Variants in CILP2 observed in about 807,000 individuals in gnomAD.
The protein encoded by CILP2 is cartilage intermediate layer protein 2, also known as CILP-2.
Under a neutral mutation model 45.6 loss-of-function variants are expected in CILP2, and 38 were observed. The ratio of observed to expected loss-of-function variants is 0.83; its 90% CI spans 0.64 to 1.09. CILP2 has a LOEUF of 1.09. Among genes scored for constraint, CILP2 ranks in the 50% least tolerant of loss-of-function variants. The pLI is 0.00. For synonymous variants in CILP2, 780 were observed against 723.5 expected (o/e 1.08, Z -1.25); for missense variants, 1,735 against 1,662.2 (o/e 1.04, Z -0.76).
chr19:19,546,657 C>T lies in CILP2; in HGVS notation c.*641C>T, dbSNP rs981347613. Reference sequence around the variant, plus strand: ...GGCTGAATTAAAAATGCTTTATTTCCAACTCATGGTGTCAGGCTCTAGGGA... The same window carrying T: ...GGCTGAATTAAAAATGCTTTATTTCTAACTCATGGTGTCAGGCTCTAGGGA... On this transcript the variant is annotated 3_prime_UTR_variant, in exon 8 of 8. Transcript: ENST00000291495. 1 of 152,574 alleles carries T rather than the reference C, an allele frequency of 6.6e-6. No individual in the cohort carries two copies. Among genetic ancestry groups the T allele is most frequent in the Non-Finnish European group, 1.5e-5 (1 of 68,050 alleles). The allele number at this position is 152,574 out of a possible 1,614,324, so 9.5% of individuals were successfully genotyped here.
At position 19,544,309 on chromosome 19, in the gene CILP2, T is replaced by G. The variant is rs2061255125; in HGVS notation, c.1764T>G (p.Ser588=). The G allele has an allele frequency of 1.2e-6, 2 of 1,612,716 alleles. No homozygotes were observed. The highest frequency in any genetic ancestry group is 1.7e-6 in the Non-Finnish European group (2 of 1,179,980). The change falls in exon 8 of 8, where the codon TCT becomes TCG. Residue 588 remains serine, a synonymous_variant. Coordinates refer to ENST00000291495, the MANE Select transcript of CILP2 (RefSeq NM_153221.2). The part of the protein sequence containing the change: ...EAPLGELVLP[S]GAFRRADGKP... ...CCCTGGGCGAGCTGGTCCTGCCTTCTGGCGCTTTCCGCAGAGCCGACGGCA... is the reference window on the plus strand; with the variant it reads ...CCCTGGGCGAGCTGGTCCTGCCTTCGGGCGCTTTCCGCAGAGCCGACGGCA...
intron 3 of CILP2, chr19:19,540,731 C>T (rs2061240379): frequency 4.2e-6 from 2 of 477,502 alleles, no homozygotes; most frequent in East Asian, 6.9e-5. Context: ...GGTCAGGACC[C>T]ATGTCCGGCC....
rs773587138 is a variant in CILP2 at position 19,538,364 on chromosome 19, GCCACTGCT to G, written c.17_24del (p.Pro6LeufsTer194). 1 of 1,582,116 alleles carries G rather than the reference GCCACTGCT, an allele frequency of 6.3e-7. No individual in the cohort carries two copies. Among genetic ancestry groups the G allele is most frequent in the South Asian group, 1.1e-5 (1 of 89,650 alleles). On this transcript the variant is annotated frameshift_variant, in exon 1 of 8. Coordinates refer to ENST00000291495, the MANE Select transcript of CILP2 (RefSeq NM_153221.2). LOFTEE classifies it high-confidence loss of function. ...CTGCCCCGGCCATGGCGTCGCTGCT[GCCACTGCT>G]CTGTCTCTGTGTCGTCGCTGCGCAC...
intron 7 of CILP2, 86 bp downstream of exon 7, chr19:19,543,491 C>A: frequency 6.6e-7 from 1 of 1,510,714 alleles, no homozygotes; most frequent in Non-Finnish European, 9.1e-7. Flanking sequence ...AATGGAGCCC[C>A]CACTTCAGAC....
In CILP2 at chr19:19,540,196, G is replaced by T. The variant is rs748918327; in HGVS notation, c.164-8G>T. 3 of 1,572,010 alleles carry T rather than the reference G, an allele frequency of 1.9e-6. No homozygotes were observed. The highest frequency in any genetic ancestry group is 1.7e-6 in the Non-Finnish European group (2 of 1,162,480). ...CCGCCCTGGTCCCAGCGCGTGCGGT[G>T]CCCGCAGAGGCCAGCGAGTGGACGT... On this transcript the variant is annotated splice_polypyrimidine_tract_variant and splice_region_variant and intron_variant, in intron 2 of 7. Transcript: ENST00000291495.
In CILP2 at chr19:19,545,363, T is replaced by G; in HGVS notation, c.2818T>G (p.Phe940Val). The change falls in exon 8 of 8, where the codon TTC becomes GTC. Residue 940 changes from phenylalanine (F) to valine (V), a missense_variant. Transcript: ENST00000291495. ...CAACCCGCAGGAGTTCCGGGCCTGC[T>G]TCCTCAAGGTGAAGATCCAGGGTCC... is the stretch of plus-strand genomic sequence containing the variant. ...WPNPQEFRAC[F>V]LKVKIQGPQE... 1 of 1,612,524 alleles carries G rather than the reference T, an allele frequency of 6.2e-7. No individual in the cohort carries two copies.
At chr19:19,538,885 T>A (rs2061232389) in intron 1 of CILP2, among the ~76,000 whole-genome samples, 1 of 152,188 alleles carries the variant, frequency 6.6e-6, no homozygotes, top group Admixed American at 6.5e-5. Flanking sequence ...CTTGGACAGC[T>A]CCTATCTTGG....
rs2061264661 is a variant in CILP2 at position 19,546,083 on chromosome 19, CCTT to C, written c.*73_*75del. 2.3e-6 allele frequency: 3 copies of C among 1,314,808 alleles called. No individual in the cohort carries two copies. Among genetic ancestry groups the C allele is most frequent in the Admixed American group, 6.6e-5 (2 of 30,218 alleles). 81.4% of individuals were successfully genotyped at this position (1,314,808 alleles called of 1,614,324 possible). On this transcript the variant is annotated 3_prime_UTR_variant, in exon 8 of 8. Transcript: ENST00000291495. ...TTTGACCCCAGGAAGTTTTGCCCCT[CCTT>C]CTTCTCCAGACAGCCCCCTCCCCAG...
intron 1 of CILP2, among the ~76,000 whole-genome samples, chr19:19,539,235 G>A (rs1454315318): frequency 6.6e-6 from 1 of 152,054 alleles, no homozygotes; most frequent in Non-Finnish European, 1.5e-5. Context: ...GCTGGGTTCT[G>A]GCCTCTCAGA....
intron 7 of CILP2, 52 bp from the exon 8 acceptor site, chr19:19,543,629 C>T: frequency 6.6e-7 from 1 of 1,525,392 alleles, no homozygotes; most frequent in Admixed American, 1.9e-5. Context: ...CAGCCTTGGC[C>T]TCCATGAAGT....
Position 19,542,877 on chromosome 19 carries a change from G to C in CILP2, c.882G>C (p.Leu294=). The C allele has an allele frequency of 1.2e-6, 2 of 1,613,650 alleles. No homozygotes were observed. Among genetic ancestry groups the C allele is most frequent in the Non-Finnish European group, 1.7e-6 (2 of 1,179,568 alleles). ...CTTTGACCCCAGAGAAGCCGTACCT[G>C]GTGAAACACCCTGAGTCCCGAGTGC... ...IILDKLEKPY[L]VKHPESRVRE... Residue 294 remains leucine (L), a synonymous_variant, in exon 6 of 8, where the codon CTG becomes CTC. Coordinates refer to ENST00000291495, the MANE Select transcript of CILP2 (RefSeq NM_153221.2).
At position 19,544,606 on chromosome 19, in the gene CILP2, G is replaced by T; in HGVS notation, c.2061G>T (p.Glu687Asp). The change falls in exon 8 of 8, where the codon GAG (glutamate) becomes GAT (aspartate). Residue 687 changes from glutamate (E) to aspartate (D), a missense_variant. Transcript: ENST00000291495. Reference sequence around the variant, plus strand: ...TCAAGCTGTGGTCGCTGAACCCCGAGACCGGCTTGTGGGAGGAGGAGAGCG... The same window carrying T: ...TCAAGCTGTGGTCGCTGAACCCCGATACCGGCTTGTGGGAGGAGGAGAGCG... ...EALKLWSLNP[E>D]TGLWEEESGF... The T allele has an allele frequency of 6.3e-7, 1 of 1,577,996 alleles. No homozygotes were observed. The highest frequency in any genetic ancestry group is 1.3e-5 in the African/African-American group (1 of 74,390).
chr19:19,538,358 G>C lies in CILP2; in HGVS notation c.9G>C (p.Ser3=). The C allele has an allele frequency of 6.3e-7, 1 of 1,580,764 alleles. No homozygotes were observed. Among genetic ancestry groups the C allele is most frequent in the Non-Finnish European group, 8.5e-7 (1 of 1,171,738 alleles). MA[S]LLPLLCLCVV... is the part of the protein sequence containing the mutation. ...GACGCTCTGCCCCGGCCATGGCGTC[G>C]CTGCTGCCACTGCTCTGTCTCTGTG... The change falls in exon 1 of 8, where the codon TCG becomes TCC. Residue 3 remains serine, a synonymous_variant. Transcript: ENST00000291495.
Position 19,540,350 on chromosome 19 carries a change from G to A in CILP2, c.310G>A (p.Ala104Thr). 1 of 1,555,680 alleles carries A rather than the reference G, an allele frequency of 6.4e-7. No homozygotes were observed. Residue 104 changes from alanine to threonine, a missense_variant, in exon 3 of 8, where the codon GCC becomes ACC. By Grantham distance (58) the Ala-to-Thr change is moderately conservative. Coordinates refer to ENST00000291495, the MANE Select transcript of CILP2 (RefSeq NM_153221.2). ...GCTGGAAGCGCGCACCACGGACTGG[G>A]CCCTGCCGTCCGCCGTCGGCGAGCG... is the stretch of plus-strand genomic sequence containing the variant. ...LALEARTTDWALPSAVGERVH... is the reference protein window; with the variant it reads ...LALEARTTDWTLPSAVGERVH...
intron 1 of CILP2, 132 bp from the exon 2 acceptor site, chr19:19,539,545 CAG>C (rs2061235423): frequency 7.6e-6 from 4 of 526,308 alleles, no homozygotes. Context: ...GCCTGGGTGA[CAG>C]AGGGAGATTC....
intron 6 of CILP2, 83 bp downstream of exon 6, chr19:19,543,055 C>A: frequency 1.9e-6 from 2 of 1,076,922 alleles, no homozygotes; most frequent in East Asian, 2.4e-5. Context: ...GGTTTCCCAT[C>A]TGGAGAGTGG....
intron 2 of CILP2, 89 bp downstream of exon 2, chr19:19,539,866 C>T: frequency 9.3e-7 from 1 of 1,076,084 alleles, no homozygotes; most frequent in Non-Finnish European, 1.3e-6. Context: ...GGAGAGGGCA[C>T]ACACTAGACG....
At position 19,542,569 on chromosome 19, in the gene CILP2, A is replaced by G; in HGVS notation, c.787A>G (p.Met263Val). ...ADSRANIRAQ[M>V]DGFSAGEAQA... ...CAGCCGCGCCAACATCAGGGCCCAG[A>G]TGGATGGCTTCTCTGCAGGGGAGGC... Residue 263 changes from methionine (M) to valine (V), a missense_variant, in exon 5 of 8, where the codon ATG becomes GTG. Met to Val is a conservative substitution (Grantham distance 21). Coordinates refer to ENST00000291495, the MANE Select transcript of CILP2 (RefSeq NM_153221.2). 1 of 1,614,016 alleles carries G rather than the reference A, an allele frequency of 6.2e-7. No homozygotes were observed. Among genetic ancestry groups the G allele is most frequent in the Non-Finnish European group, 8.5e-7 (1 of 1,180,022 alleles).
At position 19,545,417 on chromosome 19, in the gene CILP2, G is replaced by A. The variant is rs754693948; in HGVS notation, c.2872G>A (p.Ala958Thr). Residue 958 changes from alanine (A) to threonine (T), a missense_variant, in exon 8 of 8, where the codon GCA (alanine) becomes ACA (threonine). Coordinates refer to ENST00000291495, the MANE Select transcript of CILP2 (RefSeq NM_153221.2). The part of the protein sequence containing the change: ...PQEYMVRSHN[A>T]GGSHPRTRGQ... Reference sequence around the variant, plus strand: ...GGAGTATATGGTCCGCTCCCACAACGCAGGGGGCAGCCACCCACGCACCCG... The same window carrying A: ...GGAGTATATGGTCCGCTCCCACAACACAGGGGGCAGCCACCCACGCACCCG... 9 of 1,612,420 alleles carry A rather than the reference G, an allele frequency of 5.6e-6. No homozygotes were observed. The Admixed American group carries it at 1.3e-4, about 24-fold the overall frequency.
Sources: allele counts gnomAD v4.1 joint callset (sites outside exome capture counted in the v4.1 genomes callset), GRCh38; gene constraint gnomAD v4.1.1; transcripts MANE v1.5; gene names NCBI Gene and HGNC (gene_info 2026-07-23, HGNC 2026-07-21).